Variants in RASSF2 observed in about 807,000 individuals in gnomAD.
The protein encoded by RASSF2 is Ras association domain family member 2.
In RASSF2, 34 loss-of-function variants were observed where a neutral mutation model predicts 46.3. The observed-to-expected ratio is 0.73, with a 90% CI of 0.56 to 0.98. RASSF2 has a LOEUF of 0.98. Among genes scored for constraint, RASSF2 ranks in the 50% least tolerant of loss-of-function variants. RASSF2 has a pLI of 0.00. For missense variants in RASSF2, 364 were observed against 431.2 expected (o/e 0.84, Z 1.38); for synonymous variants, 158 against 162.5 (o/e 0.97, Z 0.21).
At chr20:4,820,620 GTGAAGAGTA>G (rs1928627974) in intron 2 of RASSF2, among the ~76,000 whole-genome samples, 1 of 152,200 alleles carries the variant, frequency 6.6e-6, no homozygotes, top group Non-Finnish European at 1.5e-5. Flanking sequence ...GGACGATGTT[GTGAAGAGTA>G]TTAGGGAGGT....
rs530311590 is a variant in RASSF2, at chr20:4,812,205, G to C, written c.-33+10124C>G. ...GCATGGGCAAAATGTGGGCTGCCTC[G>C]GAAGGAAATGGCATACTCTGCCTTC... On this transcript the variant is annotated intron_variant, in intron 2 of 11. Coordinates refer to ENST00000379400, the MANE Select transcript of RASSF2 (RefSeq NM_014737.3). This position sits in a 1 kb window ranked among gnomAD's most constrained non-coding sequence, Gnocchi z 4.0. Among the ~76,000 whole-genome samples the C allele has an allele frequency of 7.9e-5, 12 of 152,272 alleles. No homozygotes were observed. Among genetic ancestry groups the C allele is most frequent in the African/African-American group, 2.6e-4 (11 of 41,542 alleles).
chr20:4,787,499 G>C lies in RASSF2; in HGVS notation c.813+134C>G, dbSNP rs939089266. On this transcript the variant is annotated intron_variant, in intron 10 of 11. Coordinates refer to ENST00000379400, the MANE Select transcript of RASSF2 (RefSeq NM_014737.3). ...GTTACTCTGCAAAAGCTGGCTTCGA[G>C]AGAACCTGGTGCTGAAGAAGTAAAA... The C allele has an allele frequency of 2.7e-6, 3 of 1,107,456 alleles. No homozygotes were observed. The African/African-American group carries it at 4.7e-5, about 17-fold the overall frequency. 68.6% of individuals were successfully genotyped at this position (1,107,456 alleles called of 1,614,324 possible).
chr20:4,802,609 G>A, intron 2 of RASSF2, among the ~76,000 whole-genome samples: 1 of 152,120 alleles, frequency 6.6e-6, no homozygotes, highest in Non-Finnish European at 1.5e-5. Flanking sequence ...GAGGTACCTA[G>A]AGTAGTCAAA....
chr20:4,811,745 AG>A (rs1442858590), intron 2 of RASSF2, among the ~76,000 whole-genome samples: 4 of 152,156 alleles, frequency 2.6e-5, no homozygotes, highest in African/African-American at 7.2e-5. Flanking sequence ...ATGTCACAGA[AG>A]CCAGAACCCC....
chr20:4,790,594 G>C lies in RASSF2; in HGVS notation c.394C>G (p.Pro132Ala). Residue 132 changes from proline (P) to alanine (A), a missense_variant, in exon 7 of 12, where the codon CCC becomes GCC. Pro to Ala is a conservative substitution (Grantham distance 27, BLOSUM62 -1). Transcript: ENST00000379400. This position sits in a 1 kb window ranked among gnomAD's most constrained non-coding sequence, Gnocchi z 4.3. The part of the protein sequence containing the change: ...PSSTDSRGLK[P>A]LQEDTPQLMR... The stretch of plus-strand genomic sequence containing the variant: ...AGCTGTGGGGTGTCCTCCTGCAGGG[G>C]CTTCAGGCCCCTGGAGTCTGAGAGA... The C allele has an allele frequency of 6.6e-7, 1 of 1,525,958 alleles. No homozygotes were observed. The highest frequency in any genetic ancestry group is 8.7e-7 in the Non-Finnish European group (1 of 1,147,564). 94.5% of individuals were successfully genotyped at this position (1,525,958 alleles called of 1,614,324 possible). A position where few individuals can be genotyped will look rare whatever the true frequency, so the allele number is the denominator to read the frequency against.
chr20:4,787,554 T>C, intron 10 of RASSF2, 79 bp downstream of exon 10: 1 of 1,582,636 alleles, frequency 6.3e-7, no homozygotes, highest in Non-Finnish European at 8.7e-7. Flanking sequence ...AAAAAAGTCA[T>C]TCTATACCCC....
chr20:4,801,967 T>C (rs994424123), intron 2 of RASSF2, among the ~76,000 whole-genome samples: 9 of 152,208 alleles, frequency 5.9e-5, no homozygotes, highest in Non-Finnish European at 1.0e-4. Context: ...CTCAAACTCC[T>C]GACCTCAGGT....
In RASSF2 at chr20:4,786,190, C is replaced by A; in HGVS notation, c.911+41G>T. 2.7e-6 allele frequency: 4 copies of A among 1,501,420 alleles called. 1 individual carries two copies. Among genetic ancestry groups the A allele is most frequent in the Non-Finnish European group, 3.7e-6 (4 of 1,078,488 alleles). The allele number at this position is 1,501,420 out of a possible 1,614,324, so 93.0% of individuals were successfully genotyped here. On this transcript the variant is annotated intron_variant, in intron 11 of 11. Coordinates refer to ENST00000379400, the MANE Select transcript of RASSF2 (RefSeq NM_014737.3). ...CCAGCAGAGGCCCCTCTGTTGAGGC[C>A]CCAGGAGAAGTGCACCCAGTGCCCC...
At chr20:4,815,445 C>T (rs1290820992) in intron 2 of RASSF2, among the ~76,000 whole-genome samples, 2 of 152,162 alleles carry the variant, frequency 1.3e-5, no homozygotes, top group Admixed American at 6.6e-5. Flanking sequence ...CAGTTAAAGT[C>T]CCCCCTGCAC....
chr20:4,816,334 T>C (rs576431046), intron 2 of RASSF2, among the ~76,000 whole-genome samples: 1 of 152,170 alleles, frequency 6.6e-6, no homozygotes, highest in East Asian at 1.9e-4. Flanking sequence ...TATATATAGA[T>C]AAATGAAAAG....
chr20:4,791,424 G>A (rs541479704), intron 6 of RASSF2, among the ~76,000 whole-genome samples: 3 of 152,232 alleles, frequency 2.0e-5, no homozygotes, highest in Non-Finnish European at 4.4e-5. Flanking sequence ...GTTATGTTAT[G>A]TATATCTTAC....
Position 4,795,767 on chromosome 20 carries a change from A to G in RASSF2, c.287+48T>C, listed in dbSNP as rs1254464892. On this transcript the variant is annotated intron_variant, in intron 5 of 11. Coordinates refer to ENST00000379400, the MANE Select transcript of RASSF2 (RefSeq NM_014737.3). This position sits in a 1 kb window ranked among gnomAD's most constrained non-coding sequence, Gnocchi z 4.0. ...ATTTATCTGCTTGAGAACACATAGA[A>G]CACCCAAGCATCCCAGTCATCTCCC... The G allele has an allele frequency of 6.4e-7, 1 of 1,569,058 alleles. No homozygotes were observed. The highest frequency in any genetic ancestry group is 8.7e-7 in the Non-Finnish European group (1 of 1,154,656).
chr20:4,788,356 C>G, intron 8 of RASSF2, 88 bp from the exon 9 acceptor site: 1 of 1,283,848 alleles, frequency 7.8e-7, no homozygotes, highest in Non-Finnish European at 1.1e-6. Context: ...CAATGCAAAG[C>G]TAAGTCAATT....
chr20:4,801,098 A>C lies in RASSF2; in HGVS notation c.-32-36T>G. On this transcript the variant is annotated intron_variant, in intron 2 of 11. Transcript: ENST00000379400. ...AAGGAGAAGACAGAGGTTAAAGTCAAGTTGTGTGCTTGGGAACTCAGCAGA... is the reference window on the plus strand; with the variant it reads ...AAGGAGAAGACAGAGGTTAAAGTCACGTTGTGTGCTTGGGAACTCAGCAGA... 1.9e-6 allele frequency: 3 copies of C among 1,558,946 alleles called. No homozygotes were observed. The South Asian group carries it at 3.4e-5, about 17-fold the overall frequency.
At chr20:4,784,433 C>T in intron 11 of RASSF2, 91 bp from the exon 12 acceptor site, 1 of 1,219,862 alleles carries the variant, frequency 8.2e-7, no homozygotes, top group Non-Finnish European at 1.2e-6. Context: ...ACCAAGGTCA[C>T]ACCAGGTAAC....
intron 5 of RASSF2, among the ~76,000 whole-genome samples, chr20:4,794,433 G>A (rs1291118821): frequency 2.0e-5 from 3 of 152,224 alleles, no homozygotes; most frequent in East Asian, 3.9e-4. Context: ...GCTGGGTTTG[G>A]TGGTGGGCAC....
At chr20:4,813,809 T>C (rs1928054501) in intron 2 of RASSF2, among the ~76,000 whole-genome samples, 2 of 151,558 alleles carry the variant, frequency 1.3e-5, no homozygotes, top group South Asian at 4.2e-4. Flanking sequence ...GTGGAGGGTA[T>C]GGTTGGGGGT....
Position 4,782,321 on chromosome 20 carries a change from T to C in RASSF2, c.*1952A>G, listed in dbSNP as rs544453040. Reference sequence around the variant, plus strand: ...CAACTAAGGCCCTGAACATTCAAAATAAAAATTACCAGAAGAGAAGTTCTC... The same window carrying C: ...CAACTAAGGCCCTGAACATTCAAAACAAAAATTACCAGAAGAGAAGTTCTC... On this transcript the variant is annotated 3_prime_UTR_variant, in exon 12 of 12. Transcript: ENST00000379400. The C allele has an allele frequency of 2.7e-4, 42 of 152,774 alleles. No individual in the cohort carries two copies. The highest frequency in any genetic ancestry group is 9.9e-4 in the African/African-American group (41 of 41,576). The allele number at this position is 152,774 out of a possible 1,614,324, so 9.5% of individuals were successfully genotyped here.
chr20:4,805,449 C>T (rs930888151), intron 2 of RASSF2, among the ~76,000 whole-genome samples: 2 of 151,998 alleles, frequency 1.3e-5, no homozygotes, highest in East Asian at 1.9e-4. Context: ...GCCCCTGGTG[C>T]GAGCAGAGCC....
Sources: allele counts gnomAD v4.1 joint callset (sites outside exome capture counted in the v4.1 genomes callset), GRCh38; gene constraint gnomAD v4.1.1; non-coding constraint Gnocchi (gnomAD v3.1); transcripts MANE v1.5; gene names NCBI Gene and HGNC (gene_info 2026-07-23, HGNC 2026-07-21).